Variants in PLXNC1 observed in about 807,000 individuals in gnomAD.
The protein encoded by PLXNC1 is plexin-C1.
A neutral mutation model predicts 178.2 loss-of-function variants in PLXNC1; 75 were observed. The ratio of observed to expected loss-of-function variants is 0.42; its 90% CI spans 0.35 to 0.51. The LOEUF is 0.51. Ranked by LOEUF, PLXNC1 falls within the 20% of genes least tolerant of loss-of-function variation. The pLI, the probability that PLXNC1 is intolerant of heterozygous loss-of-function variation, is 0.02. For synonymous variants in PLXNC1, 790 were observed against 779.9 expected (o/e 1.01, Z -0.22); for missense variants, 1,503 against 1,984.4 (o/e 0.76, Z 4.61).
chr12:94,266,178 A>G (rs1402597709), intron 21 of PLXNC1, among the ~76,000 whole-genome samples: 1 of 152,114 alleles, frequency 6.6e-6, no homozygotes. Context: ...TTCATTCCCT[A>G]ATTGGAGAAG....
At chr12:94,193,664 T>C (rs1005466973) in intron 4 of PLXNC1, among the ~76,000 whole-genome samples, 2 of 152,088 alleles carry the variant, frequency 1.3e-5, no homozygotes, top group African/African-American at 4.8e-5. Flanking sequence ...CTGAGTCAAA[T>C]GTGGGAGGGC....
chr12:94,249,210 G>A (rs774976710), intron 14 of PLXNC1, among the ~76,000 whole-genome samples: 5 of 152,128 alleles, frequency 3.3e-5, no homozygotes, highest in Non-Finnish European at 7.3e-5. Flanking sequence ...TAGTCCATCT[G>A]TATGATAAAT....
intron 3 of PLXNC1, among the ~76,000 whole-genome samples, chr12:94,183,260 G>A (rs1356186272): frequency 1.3e-5 from 2 of 152,150 alleles, no homozygotes; most frequent in East Asian, 1.9e-4. Context: ...TTATAAAGAC[G>A]ATACTGTTCT....
chr12:94,303,434 T>C (rs937797127), intron 28 of PLXNC1, among the ~76,000 whole-genome samples: 1 of 152,220 alleles, frequency 6.6e-6, no homozygotes, highest in Non-Finnish European at 1.5e-5. Flanking sequence ...TAATGAACTA[T>C]GATTGAAATA....
intron 4 of PLXNC1, among the ~76,000 whole-genome samples, chr12:94,198,160 A>G (rs752269811): frequency 6.6e-6 from 1 of 152,206 alleles, no homozygotes; most frequent in Non-Finnish European, 1.5e-5. Flanking sequence ...GATAAAGAAA[A>G]TGTGGTACAT....
chr12:94,203,521 G>A (rs984416523), intron 4 of PLXNC1, among the ~76,000 whole-genome samples: 2 of 152,176 alleles, frequency 1.3e-5, no homozygotes, highest in African/African-American at 2.4e-5. Flanking sequence ...TTCATGTCTT[G>A]GAAGAATCTA....
In PLXNC1 at chr12:94,274,155, T is replaced by TAAAAAAAAAAAAAAAAA. The variant is rs3060881; in HGVS notation, c.3598-5301_3598-5285dup. 1.5e-4 allele frequency among the ~76,000 whole-genome samples: 7 copies of TAAAAAAAAAAAAAAAAA among 45,370 alleles called. 1 individual carries two copies. The highest frequency in any genetic ancestry group is 5.9e-4 in the African/African-American group (5 of 8,472). 29.8% of individuals were successfully genotyped at this position (45,370 alleles called of 152,430 possible). On this transcript the variant is annotated intron_variant, in intron 21 of 30. Transcript: ENST00000258526. ...GGGCAACACAGCAAGACCCTGTCTC[T>TAAAAAAAAAAAAAAAAA]AAAAAAAAAAAAAAAAAAAAAAAAA...
rs1364413489 is a variant in PLXNC1 at position 94,259,806 on chromosome 12, G to A, written c.3251+72G>A. On this transcript the variant is annotated intron_variant, in intron 19 of 30. Coordinates refer to ENST00000258526, the MANE Select transcript of PLXNC1 (RefSeq NM_005761.3). ...AGGCCGGGCATGGTGGCTCATGGCT[G>A]TAATCCCAGCATTTTGGGAGGCCAA... 5 of 1,356,200 alleles carry A rather than the reference G, an allele frequency of 3.7e-6. No homozygotes were observed. The East Asian group carries it at 8.1e-5, about 22-fold the overall frequency. 84.0% of individuals were successfully genotyped at this position (1,356,200 alleles called of 1,614,324 possible). A position where few individuals can be genotyped will look rare whatever the true frequency, so the allele number is the denominator to read the frequency against.
intron 9 of PLXNC1, among the ~76,000 whole-genome samples, chr12:94,231,022 G>A (rs994384416): frequency 3.9e-5 from 6 of 152,182 alleles, no homozygotes; most frequent in African/African-American, 1.4e-4. Context: ...GAGTACATGA[G>A]TAAAAATACA....
chr12:94,197,891 GTA>G (rs1168614669), intron 4 of PLXNC1, among the ~76,000 whole-genome samples: 2 of 152,148 alleles, frequency 1.3e-5, no homozygotes, highest in Non-Finnish European at 2.9e-5. Flanking sequence ...TAACTGCTAT[GTA>G]TAAGAAAGAC....
chr12:94,209,446 C>G, intron 4 of PLXNC1, 144 bp from the exon 5 acceptor site: 1 of 618,528 alleles, frequency 1.6e-6, no homozygotes, highest in Non-Finnish European at 2.9e-6. Flanking sequence ...TTCCTATTCT[C>G]GCTCAAATCA....
chr12:94,241,897 C>T (rs549712332), intron 11 of PLXNC1, among the ~76,000 whole-genome samples: 11 of 150,762 alleles, frequency 7.3e-5, no homozygotes, highest in South Asian at 2.1e-4. Flanking sequence ...AAAATCCTAA[C>T]GATATTTTCT....
intron 17 of PLXNC1, 101 bp from the exon 18 acceptor site, chr12:94,259,236 G>A (rs896661124): frequency 7.3e-6 from 6 of 818,392 alleles, no homozygotes; most frequent in South Asian, 3.0e-5. Flanking sequence ...TTAGCAAATA[G>A]TGTCTCTACT....
chr12:94,251,630 T>C (rs1964692133), intron 15 of PLXNC1, 102 bp downstream of exon 15: 3 of 752,712 alleles, frequency 4.0e-6, no homozygotes, highest in African/African-American at 3.4e-5. Flanking sequence ...CAATTAAGTA[T>C]AAATGGGTGA....
intron 2 of PLXNC1, among the ~76,000 whole-genome samples, chr12:94,174,044 A>C (rs1240380161): frequency 6.6e-6 from 1 of 152,218 alleles, no homozygotes; most frequent in Non-Finnish European, 1.5e-5. Context: ...CAGGGACTGC[A>C]GTAGGGTTCA....
chr12:94,284,309 CTGT>C (rs1966681333), intron 23 of PLXNC1, among the ~76,000 whole-genome samples: 1 of 152,062 alleles, frequency 6.6e-6, no homozygotes, highest in South Asian at 2.1e-4. Context: ...TGGGAAAGGG[CTGT>C]TGTTGTCTTT....
In PLXNC1 at chr12:94,306,254, T is replaced by TCGAATCATTTTACATTTC. The variant is rs1565879854; in HGVS notation, c.*969_*970insCGAATCATTTTACATTTC. The TCGAATCATTTTACATTTC allele has an allele frequency of 6.6e-6, 1 of 151,996 alleles. No homozygotes were observed. The highest frequency in any genetic ancestry group is 1.5e-5 in the Non-Finnish European group (1 of 67,996). The allele number at this position is 151,996 out of a possible 1,614,324, so 9.4% of individuals were successfully genotyped here. A position where few individuals can be genotyped will look rare whatever the true frequency, so the allele number is the denominator to read the frequency against. Reference sequence around the variant, plus strand: ...AAAAAAAAAGATACATTTTACATTTTATCGAATTGCTGTTCACACTGGAGT... The same window carrying TCGAATCATTTTACATTTC: ...AAAAAAAAAGATACATTTTACATTTTCGAATCATTTTACATTTCATCGAATTGCTGTTCACACTGGAGT... On this transcript the variant is annotated 3_prime_UTR_variant, in exon 31 of 31. Coordinates refer to ENST00000258526, the MANE Select transcript of PLXNC1 (RefSeq NM_005761.3).
intron 14 of PLXNC1, among the ~76,000 whole-genome samples, chr12:94,250,060 A>T (rs1025278572): frequency 1.3e-5 from 2 of 152,110 alleles, no homozygotes; most frequent in African/African-American, 4.8e-5. Context: ...GCCATGGGCT[A>T]TCTGGGGTAG....
intron 17 of PLXNC1, among the ~76,000 whole-genome samples, chr12:94,255,528 C>G (rs1242179763): frequency 2.6e-5 from 4 of 152,100 alleles, no homozygotes; most frequent in African/African-American, 9.7e-5. Flanking sequence ...TAACAAAAAC[C>G]TAGGAGGGAC....
Sources: gnomAD v4.1 joint callset for allele counts (sites outside exome capture counted in the v4.1 genomes callset) on GRCh38, gnomAD v4.1.1 for gene constraint, MANE v1.5 for transcripts, NCBI Gene and HGNC (gene_info 2026-07-23, HGNC 2026-07-21) for gene names.